The following GPR180 variants were observed in gnomAD, a reference collection of about 807,000 sequenced individuals.
GPR180 encodes integral membrane protein GPR180.
In GPR180, 53 loss-of-function variants were observed where a neutral mutation model predicts 52.6. The observed-to-expected ratio is 1.01, with a 90% CI of 0.81 to 1.27. The LOEUF (loss-of-function observed/expected upper bound fraction) is 1.27, where lower values mean the gene tolerates loss of function less well. GPR180 is among the 50% of genes most tolerant of loss of function. GPR180 has a pLI of 0.00. For missense variants in GPR180, 533 were observed against 527.0 expected, an observed-to-expected ratio of 1.01 and a Z score of -0.11; for synonymous variants, 200 against 193.1, an observed-to-expected ratio of 1.04 and a Z score of -0.30.
Position 94,623,683 on chromosome 13 carries a change from CAAAAAAA to C in GPR180, c.1086+395_1086+401del, listed in dbSNP as rs60779190. ...TGACAGGGCGAGACCTTCTTTTTTT[CAAAAAAA>C]AAAAAAAAAAACTTCTGTTATGTGA... On this transcript the variant is annotated intron_variant, in intron 7 of 8. Coordinates refer to ENST00000376958, the MANE Select transcript of GPR180 (RefSeq NM_180989.6). Among the ~76,000 whole-genome samples, 395 of 73,506 alleles carry C rather than the reference CAAAAAAA, an allele frequency of 5.4e-3. 2 individuals carry two copies. Among genetic ancestry groups the C allele is most frequent in the African/African-American group, 0.019 (374 of 19,828 alleles). The allele number at this position is 73,506 out of a possible 152,430, so 48.2% of individuals were successfully genotyped here. A position where few individuals can be genotyped will look rare whatever the true frequency, so the allele number is the denominator to read the frequency against.
At chr13:94,622,633 ATGT>A (rs1889866090) in intron 6 of GPR180, among the ~76,000 whole-genome samples, 1 of 152,186 alleles carries the variant, frequency 6.6e-6, no homozygotes, top group African/African-American at 2.4e-5. Flanking sequence ...AAGTTCAGAA[ATGT>A]TGGTTAAGAA....
In GPR180 at chr13:94,605,421, A is replaced by G. The variant is rs747543005; in HGVS notation, c.176A>G (p.Asn59Ser). Residue 59 changes from asparagine (N) to serine (S), a missense_variant, in exon 2 of 9, where the codon AAC becomes AGC. Asn to Ser is a conservative substitution (Grantham distance 46). Transcript: ENST00000376958. ...CATGCTCTTCTGTGTGTCAGAATCA[A>G]CAACATAGCAGTAGCTGTTGGAAAA... ...GDHALLCVRI[N>S]NIAVAVGKEA... The G allele has an allele frequency of 3.1e-6, 5 of 1,613,980 alleles. No individual in the cohort carries two copies. Among genetic ancestry groups the G allele is most frequent in the African/African-American group, 2.7e-5 (2 of 74,936 alleles).
intron 7 of GPR180, among the ~76,000 whole-genome samples, chr13:94,624,839 G>C (rs1034808395): frequency 1.3e-5 from 2 of 151,802 alleles, no homozygotes; most frequent in Non-Finnish European, 2.9e-5. Context: ...ACCGCACCCA[G>C]CCTTTCTTTT....
chr13:94,629,909 A>G lies in GPR180; in HGVS notation c.*2738A>G, dbSNP rs1366197623. 2 of 152,206 alleles carry G rather than the reference A, an allele frequency of 1.3e-5. No individual in the cohort carries two copies. Among genetic ancestry groups the G allele is most frequent in the Admixed American group, 6.5e-5 (1 of 15,284 alleles). The allele number at this position is 152,206 out of a possible 1,614,324, so 9.4% of individuals were successfully genotyped here. A position where few individuals can be genotyped will look rare whatever the true frequency, so the allele number is the denominator to read the frequency against. On this transcript the variant is annotated 3_prime_UTR_variant, in exon 9 of 9. Coordinates refer to ENST00000376958, the MANE Select transcript of GPR180 (RefSeq NM_180989.6). ...ATGAGACTAGAACCTATCTATCAAC[A>G]TGAACATGGGCTCCTTCAGCATGTT...
intron 3 of GPR180, among the ~76,000 whole-genome samples, chr13:94,618,314 G>C (rs1889803614): frequency 6.6e-6 from 1 of 151,740 alleles, no homozygotes; most frequent in Non-Finnish European, 1.5e-5. Flanking sequence ...GCCTAACTTA[G>C]CTTTCAGAAT....
At position 94,628,563 on chromosome 13, in the gene GPR180, T is replaced by C. The variant is rs1406286658; in HGVS notation, c.*1392T>C. ...CTATGGCTTTGTTTTTGTTTTTCTT[T>C]TGTACCTAGTCTCATTGGAAATGAC... is the stretch of plus-strand genomic sequence containing the variant. On this transcript the variant is annotated 3_prime_UTR_variant, in exon 9 of 9. Transcript: ENST00000376958. 3 of 152,110 alleles carry C rather than the reference T, an allele frequency of 2.0e-5. No homozygotes were observed. Among genetic ancestry groups the C allele is most frequent in the African/African-American group, 7.2e-5 (3 of 41,462 alleles). The allele number at this position is 152,110 out of a possible 1,614,324, so 9.4% of individuals were successfully genotyped here. A position where few individuals can be genotyped will look rare whatever the true frequency, so the allele number is the denominator to read the frequency against.
rs1387170851 is a variant in GPR180 at position 94,634,600 on chromosome 13, G to A, written c.*7429G>A. On this transcript the variant is annotated 3_prime_UTR_variant, in exon 9 of 9. Coordinates refer to ENST00000376958, the MANE Select transcript of GPR180 (RefSeq NM_180989.6). ...TAATTTTGTTCCCAGTCACCTAACT[G>A]AATTCTTCTAACAGTTGTAATAAAT... 1 of 151,988 alleles carries A rather than the reference G, an allele frequency of 6.6e-6. No individual in the cohort carries two copies. The highest frequency in any genetic ancestry group is 1.5e-5 in the Non-Finnish European group (1 of 68,004). 9.4% of individuals were successfully genotyped at this position (151,988 alleles called of 1,614,324 possible).
rs543548773 is a variant in GPR180 at position 94,631,195 on chromosome 13, A to G, written c.*4024A>G. 1.3e-5 allele frequency: 2 copies of G among 152,234 alleles called. No individual in the cohort carries two copies. The highest frequency in any genetic ancestry group is 4.1e-4 in the South Asian group (2 of 4,826). 9.4% of individuals were successfully genotyped at this position (152,234 alleles called of 1,614,324 possible). On this transcript the variant is annotated 3_prime_UTR_variant, in exon 9 of 9. Transcript: ENST00000376958. Reference sequence around the variant, plus strand: ...ACAACTCCATCATTCACACTGGAGGATTAGAGGCAGGGAGAGACCTGTATG... The same window carrying G: ...ACAACTCCATCATTCACACTGGAGGGTTAGAGGCAGGGAGAGACCTGTATG...
rs921613352 is a variant in GPR180 at position 94,631,772 on chromosome 13, C to T, written c.*4601C>T. 3.3e-5 allele frequency: 5 copies of T among 151,810 alleles called. No homozygotes were observed. The highest frequency in any genetic ancestry group is 1.2e-4 in the African/African-American group (5 of 41,296). 9.4% of individuals were successfully genotyped at this position (151,810 alleles called of 1,614,324 possible). ...CTATTCTTTGTTCAATTGCATGGAA[C>T]TTGGTAGTGTGTAAAAATCTTGACT... On this transcript the variant is annotated 3_prime_UTR_variant, in exon 9 of 9. Transcript: ENST00000376958.
At chr13:94,622,918 A>G (rs2138568262) in intron 6 of GPR180, among the ~76,000 whole-genome samples, 191 bp from the exon 7 acceptor site, 1 of 152,292 alleles carries the variant, frequency 6.6e-6, no homozygotes, top group East Asian at 1.9e-4. Context: ...GTCTCACTTG[A>G]TAAAAATTCA....
intron 7 of GPR180, among the ~76,000 whole-genome samples, chr13:94,623,634 T>G (rs143120008): frequency 2.7e-5 from 4 of 150,014 alleles, no homozygotes; most frequent in African/African-American, 9.8e-5. Context: ...GAGCCAAGAT[T>G]GGGCCACTGC....
intron 3 of GPR180, among the ~76,000 whole-genome samples, chr13:94,612,908 T>C (rs1889729085): frequency 6.6e-6 from 1 of 151,424 alleles, no homozygotes; most frequent in South Asian, 2.1e-4. Flanking sequence ...ATTGCCTTCA[T>C]TGAAGCTTAC....
At chr13:94,613,171 G>A (rs1338799652) in intron 3 of GPR180, among the ~76,000 whole-genome samples, 1 of 152,220 alleles carries the variant, frequency 6.6e-6, no homozygotes, top group Non-Finnish European at 1.5e-5. Context: ...ACCTCTTCAT[G>A]AGTTCATTGG....
chr13:94,617,163 A>G (rs959964430), intron 3 of GPR180, among the ~76,000 whole-genome samples: 1 of 151,936 alleles, frequency 6.6e-6, no homozygotes, highest in Non-Finnish European at 1.5e-5. Context: ...TTTTCTTTTC[A>G]TGGTAGAGTT....
intron 3 of GPR180, among the ~76,000 whole-genome samples, chr13:94,616,174 T>C (rs1389962347): frequency 6.6e-6 from 1 of 152,218 alleles, no homozygotes; most frequent in African/African-American, 2.4e-5. Flanking sequence ...TCCCAGAAGC[T>C]TCCTATCACA....
rs1413640483 is a variant in GPR180 at position 94,629,143 on chromosome 13, TC to T, written c.*1973del. The T allele has an allele frequency of 3.9e-5, 6 of 152,266 alleles. No homozygotes were observed. Among genetic ancestry groups the T allele is most frequent in the Non-Finnish European group, 7.4e-5 (5 of 67,964 alleles). The allele number at this position is 152,266 out of a possible 1,614,324, so 9.4% of individuals were successfully genotyped here. ...GTATAAAACTGTTCTTGACTAGTAA[TC>T]AGGGACAAAATTTATAGTTCATAAG... On this transcript the variant is annotated 3_prime_UTR_variant, in exon 9 of 9. Transcript: ENST00000376958.
Position 94,618,909 on chromosome 13 carries a change from T to C in GPR180, c.506-241T>C, listed in dbSNP as rs201532537. Among the ~76,000 whole-genome samples, 6 of 152,342 alleles carry C rather than the reference T, an allele frequency of 3.9e-5. No homozygotes were observed. The East Asian group carries it at 1.2e-3, about 29-fold the overall frequency. On this transcript the variant is annotated intron_variant, in intron 3 of 8. Transcript: ENST00000376958. The stretch of plus-strand genomic sequence containing the variant: ...AGTCTTTGGGTTCCCCTGACCATTA[T>C]GCTTTCTTACAGATTGACCTTAACT...
At chr13:94,625,858 C>T in intron 7 of GPR180, 108 bp from the exon 8 acceptor site, 1 of 616,032 alleles carries the variant, frequency 1.6e-6, no homozygotes, top group South Asian at 2.4e-5. Context: ...CTCTAAAGGC[C>T]TGTTGAGGTT....
In GPR180 at chr13:94,612,281, C is replaced by T. The variant is rs774785718; in HGVS notation, c.396C>T (p.Cys132=). Residue 132 remains cysteine (C), a synonymous_variant, in exon 3 of 9, where the codon TGC becomes TGT. Transcript: ENST00000376958. ...TGTTTTATGCAGACAAGTATACATG[C>T]CAAGATGACAAGGAGAATTCTCAGG... is the stretch of plus-strand genomic sequence containing the variant. The part of the protein sequence containing the change: ...WHVFYADKYT[C]QDDKENSQVE... 1 of 1,613,692 alleles carries T rather than the reference C, an allele frequency of 6.2e-7. No homozygotes were observed. The highest frequency in any genetic ancestry group is 8.5e-7 in the Non-Finnish European group (1 of 1,179,658).
Sources: gnomAD v4.1 joint callset for allele counts (sites outside exome capture counted in the v4.1 genomes callset) on GRCh38, gnomAD v4.1.1 for gene constraint, MANE v1.5 for transcripts, NCBI Gene and HGNC (gene_info 2026-07-23, HGNC 2026-07-21) for gene names.